Variants in MRPL39 observed in about 807,000 individuals in gnomAD.
MRPL39 encodes the protein large ribosomal subunit protein mL39.
MRPL39 carries 35 observed loss-of-function variants against 44.5 expected under a neutral mutation model. That is an observed-to-expected ratio of 0.79 (90% CI 0.60 to 1.04). MRPL39 has a LOEUF of 1.04. MRPL39 is among the 50% of genes least tolerant of loss of function. MRPL39 has a pLI of 0.00. For missense variants in MRPL39, 433 were observed against 413.5 expected (o/e 1.05, Z -0.41); for synonymous variants, 139 against 136.1 (o/e 1.02, Z -0.15).
At chr21:25,603,441 A>G (rs2031577026) in intron 3 of MRPL39, among the ~76,000 whole-genome samples, 1 of 152,212 alleles carries the variant, frequency 6.6e-6, no homozygotes, top group Admixed American at 6.5e-5. Flanking sequence ...GGGGATGGGT[A>G]AGCAGAAAGA....
chr21:25,588,020 C>A (rs899513798), intron 9 of MRPL39, among the ~76,000 whole-genome samples: 10 of 152,120 alleles, frequency 6.6e-5, no homozygotes, highest in African/African-American at 1.7e-4. Context: ...TCAAGAAATA[C>A]AATCACCCGG....
At chr21:25,599,308 C>G (rs2031453191) in intron 5 of MRPL39, among the ~76,000 whole-genome samples, 1 of 152,170 alleles carries the variant, frequency 6.6e-6, no homozygotes, top group Non-Finnish European at 1.5e-5. Context: ...ATTCACCCAG[C>G]TCTCAATGTG....
intron 6 of MRPL39, among the ~76,000 whole-genome samples, chr21:25,596,069 T>C (rs1007917800): frequency 6.6e-6 from 1 of 152,234 alleles, no homozygotes; most frequent in Non-Finnish European, 1.5e-5. Context: ...CAATGTCCAC[T>C]TTGGGAGACC....
In MRPL39 at chr21:25,593,064, TA is replaced by T. The variant is rs561014841; in HGVS notation, c.768-100del. 375 of 1,073,590 alleles carry T rather than the reference TA, an allele frequency of 3.5e-4. 1 individual carries two copies. The African/African-American group carries it at 5.5e-3, about 16-fold the overall frequency. 66.5% of individuals were successfully genotyped at this position (1,073,590 alleles called of 1,614,324 possible). A position where few individuals can be genotyped will look rare whatever the true frequency, so the allele number is the denominator to read the frequency against. Reference sequence around the variant, plus strand: ...TCCTTCTCTTTGCTGCTAACATCCCTAATCAAGAACATTATATATGGTTCAA... The same window carrying T: ...TCCTTCTCTTTGCTGCTAACATCCCTATCAAGAACATTATATATGGTTCAA... On this transcript the variant is annotated intron_variant, in intron 7 of 9. Coordinates refer to ENST00000352957, the MANE Select transcript of MRPL39 (RefSeq NM_017446.4).
intron 5 of MRPL39, among the ~76,000 whole-genome samples, chr21:25,598,329 A>C (rs2031419905): frequency 6.6e-6 from 1 of 151,958 alleles, no homozygotes; most frequent in Non-Finnish European, 1.5e-5. Context: ...AGCCAAGCAC[A>C]GTGGCATACA....
intron 6 of MRPL39, among the ~76,000 whole-genome samples, chr21:25,595,220 A>C (rs1198034888): frequency 2.0e-5 from 3 of 152,188 alleles, no homozygotes; most frequent in African/African-American, 7.2e-5. Flanking sequence ...GGTTTATGCA[A>C]AAACACCCAC....
chr21:25,599,348 T>C (rs546020000), intron 5 of MRPL39, among the ~76,000 whole-genome samples: 1 of 152,348 alleles, frequency 6.6e-6, no homozygotes, highest in East Asian at 1.9e-4. Flanking sequence ...CCTCACTGTA[T>C]GCAACAAGTT....
chr21:25,607,277 G>C, intron 1 of MRPL39, 126 bp downstream of exon 1: 1 of 1,006,718 alleles, frequency 9.9e-7, no homozygotes, highest in South Asian at 1.4e-5. Context: ...GACCGCCGCG[G>C]AGGGACTAAG....
upstream of MRPL39, chr21:25,607,533 G>T (rs367570299): frequency 7.2e-5 from 113 of 1,565,218 alleles, no homozygotes; most frequent in African/African-American, 1.4e-3. Context: ...CCCGGAAACC[G>T]AACGCGCACT....
chr21:25,603,736 G>C (rs369538658), intron 3 of MRPL39, 60 bp downstream of exon 3: 1 of 1,496,840 alleles, frequency 6.7e-7, no homozygotes, highest in East Asian at 2.3e-5. Flanking sequence ...TAGAAAACAG[G>C]TCTTAATAAA....
At chr21:25,599,086 C>T (rs1284836416) in intron 5 of MRPL39, among the ~76,000 whole-genome samples, 3 of 152,172 alleles carry the variant, frequency 2.0e-5, no homozygotes, top group Admixed American at 6.5e-5. Context: ...ATCAGAACTA[C>T]ATCTCCAGGC....
intron 4 of MRPL39, 48 bp downstream of exon 4, chr21:25,601,320 G>T: frequency 7.9e-7 from 1 of 1,271,432 alleles, no homozygotes; most frequent in Non-Finnish European, 1.1e-6. Flanking sequence ...TCAAAAATAG[G>T]TACCAAAATA....
At chr21:25,588,502 A>G (rs1410295323) in intron 9 of MRPL39, among the ~76,000 whole-genome samples, 4 of 152,196 alleles carry the variant, frequency 2.6e-5, no homozygotes, top group Non-Finnish European at 4.4e-5. Context: ...CTAAATATTC[A>G]TTAAGTTTAC....
chr21:25,592,513 C>T, intron 8 of MRPL39, among the ~76,000 whole-genome samples: 1 of 152,076 alleles, frequency 6.6e-6, no homozygotes, highest in East Asian at 1.9e-4. Context: ...AAAGGCATTC[C>T]AGGAAGTCTT....
In MRPL39 at chr21:25,593,892, C is replaced by T; in HGVS notation, c.767+1G>A. On this transcript the variant is annotated splice_donor_variant, in intron 7 of 9. Coordinates refer to ENST00000352957, the MANE Select transcript of MRPL39 (RefSeq NM_017446.4). LOFTEE classifies it high-confidence loss of function. ...CAGCCAGTTTTTAGACTTTTACTTA[C>T]CTGTGTAGCTTGACTATTCTCTCAG... is the stretch of plus-strand genomic sequence containing the variant. 1 of 1,612,688 alleles carries T rather than the reference C, an allele frequency of 6.2e-7. No homozygotes were observed. The highest frequency in any genetic ancestry group is 8.5e-7 in the Non-Finnish European group (1 of 1,179,112).
In MRPL39 at chr21:25,601,456, A is replaced by T. The variant is rs1199098555; in HGVS notation, c.432T>A (p.Arg144=). The T allele has an allele frequency of 6.3e-7, 1 of 1,586,950 alleles. No homozygotes were observed. The highest frequency in any genetic ancestry group is 1.3e-5 in the African/African-American group (1 of 74,376). The change falls in exon 4 of 10, where the codon CGT becomes CGA. Residue 144 remains arginine (R), a synonymous_variant. Transcript: ENST00000352957. ...CACAGCCCATCATCATAGCACAGGA[A>T]CGCCAATATGCCTAGAAAAAAAATA... ...DPGEVNKAYW[R]SCAMMMGCVI...
chr21:25,585,875 T>C (rs955249925), intron 9 of MRPL39, 121 bp from the exon 10 acceptor site: 7 of 657,372 alleles, frequency 1.1e-5, no homozygotes, highest in African/African-American at 1.9e-5. Flanking sequence ...CCTTAAATAG[T>C]AGAATAGAAA....
intron 5 of MRPL39, among the ~76,000 whole-genome samples, chr21:25,599,528 G>C (rs1046912422): frequency 6.6e-6 from 1 of 152,020 alleles, no homozygotes; most frequent in African/African-American, 2.4e-5. Context: ...ATCAAGAAAA[G>C]GTCAAGCAGA....
At chr21:25,586,831 C>T (rs1447245501) in intron 9 of MRPL39, among the ~76,000 whole-genome samples, 1 of 152,164 alleles carries the variant, frequency 6.6e-6, no homozygotes, top group East Asian at 1.9e-4. Flanking sequence ...AAGCAACTCC[C>T]CAGCTTGGTC....
Sources: gnomAD v4.1 joint callset for allele counts (sites outside exome capture counted in the v4.1 genomes callset) on GRCh38, gnomAD v4.1.1 for gene constraint, MANE v1.5 for transcripts, NCBI Gene and HGNC (gene_info 2026-07-23, HGNC 2026-07-21) for gene names.